The following INA variants were observed in gnomAD, a reference collection of about 807,000 sequenced individuals.
The protein encoded by INA is internexin neuronal intermediate filament protein alpha.
INA carries 35 observed loss-of-function variants against 40.1 expected under a neutral mutation model. The ratio of observed to expected loss-of-function variants is 0.87; its 90% confidence interval spans 0.67 to 1.16. The LOEUF (loss-of-function observed/expected upper bound fraction) is 1.16. INA is among the 50% of genes most tolerant of loss of function. INA has a pLI of 0.00. For synonymous variants in INA, 290 were observed against 316.9 expected (o/e 0.92, Z 0.90); for missense variants, 594 against 686.7 (o/e 0.87, Z 1.51).
intron 1 of INA, among the ~76,000 whole-genome samples, chr10:103,283,099 GTAGAAGAT>G (rs755311822): frequency 3.7e-4 from 56 of 152,188 alleles, no homozygotes; most frequent in Non-Finnish European, 7.3e-4. Context: ...GTATGCAGAA[GTAGAAGAT>G]TGGAAGGAAC....
chr10:103,290,131 G>A lies in INA; in HGVS notation c.*1462G>A, dbSNP rs1189028669. The A allele has an allele frequency of 6.5e-6, 1 of 152,698 alleles. No individual in the cohort carries two copies. The highest frequency in any genetic ancestry group is 1.5e-5 in the Non-Finnish European group (1 of 68,080). The allele number at this position is 152,698 out of a possible 1,614,324, so 9.5% of individuals were successfully genotyped here. ...AGCAGTCACTTCGGCCAGAGCTGAA[G>A]AGTTGCCCCGTCTCTGTTCCATGTC... On this transcript the variant is annotated 3_prime_UTR_variant, in exon 3 of 3. Coordinates refer to ENST00000369849, the MANE Select transcript of INA (RefSeq NM_032727.4).
At position 103,282,589 on chromosome 10, in the gene INA, T is replaced by A. The variant is rs372838521; in HGVS notation, c.1065+4313T>A. 8.5e-5 allele frequency among the ~76,000 whole-genome samples: 13 copies of A among 152,316 alleles called. No individual in the cohort carries two copies. In the East Asian group the frequency reaches 2.1e-3, roughly 25 times the overall value. ...TAGGGTAGAATTAAACAGCCTGATA[T>A]ACCTCGAATGACCTAAAAGATGTCA... On this transcript the variant is annotated intron_variant, in intron 1 of 2. Transcript: ENST00000369849.
At chr10:103,280,544 GT>G in intron 1 of INA, 1 of 985,444 alleles carries the variant, frequency 1.0e-6, no homozygotes, top group Non-Finnish European at 1.2e-6. Context: ...GAGATTAGTG[GT>G]AGGGCCATTT....
rs1021242149 is a variant in INA, at chr10:103,280,073, T to G, written c.1065+1797T>G. ...TTCTCTGCTTGTTATAGCCCATACA[T>G]TCTAAGAAGTAGTGACAGTTTTGCC... On this transcript the variant is annotated intron_variant, in intron 1 of 2. Transcript: ENST00000369849. The G allele has an allele frequency of 3.0e-5, 37 of 1,235,118 alleles. No individual in the cohort carries two copies. In the African/African-American group the frequency reaches 5.5e-4, roughly 18 times the overall value. The allele number at this position is 1,235,118 out of a possible 1,614,324, so 76.5% of individuals were successfully genotyped here. A position where few individuals can be genotyped will look rare whatever the true frequency, so the allele number is the denominator to read the frequency against.
At chr10:103,283,153 T>C (rs1299543270) in intron 1 of INA, among the ~76,000 whole-genome samples, 1 of 152,194 alleles carries the variant, frequency 6.6e-6, no homozygotes, top group East Asian at 1.9e-4. Context: ...CCAATGGATG[T>C]TAGTGGCAGA....
At position 103,287,077 on chromosome 10, in the gene INA, A is replaced by G; in HGVS notation, c.1108A>G (p.Ser370Gly). ...GGAGAATGATCTGAGGAACACCAAG[A>G]GTGAGATGGCACGCCACCTTCGGGA... ...QLENDLRNTKSEMARHLREYQ... is the reference protein window; with the variant it reads ...QLENDLRNTKGEMARHLREYQ... Residue 370 changes from serine (S) to glycine (G), a missense_variant, in exon 2 of 3, where the codon AGT (serine) becomes GGT (glycine). Ser to Gly is a moderately conservative substitution (Grantham distance 56). This residue lies in a region of INA where 379 missense variants were observed against 496.1 expected (regional missense o/e 0.76). Coordinates refer to ENST00000369849, the MANE Select transcript of INA (RefSeq NM_032727.4). The G allele has an allele frequency of 2.5e-6, 4 of 1,614,024 alleles. No homozygotes were observed. The highest frequency in any genetic ancestry group is 2.5e-6 in the Non-Finnish European group (3 of 1,179,942).
At chr10:103,280,802 T>G (rs2093070989) in intron 1 of INA, 1 of 985,450 alleles carries the variant, frequency 1.0e-6, no homozygotes, top group Admixed American at 6.1e-5. Context: ...AACTCCCCTC[T>G]GCATAAAAAG....
Position 103,287,170 on chromosome 10 carries a change from G to A in INA, c.1190+11G>A, listed in dbSNP as rs1168578049. ...GATAGCAGCTTACAGGTACTGCAAA[G>A]GACCTGCTTACCCGAGTAAATCCAG... is the stretch of plus-strand genomic sequence containing the variant. On this transcript the variant is annotated intron_variant, in intron 2 of 2. Coordinates refer to ENST00000369849, the MANE Select transcript of INA (RefSeq NM_032727.4). 1.9e-6 allele frequency: 3 copies of A among 1,611,408 alleles called. No individual in the cohort carries two copies. Among genetic ancestry groups the A allele is most frequent in the Non-Finnish European group, 2.5e-6 (3 of 1,178,938 alleles).
Position 103,288,750 on chromosome 10 carries a change from A to G in INA, c.*81A>G. The G allele has an allele frequency of 8.5e-6, 7 of 825,116 alleles. No homozygotes were observed. In the South Asian group the frequency reaches 1.3e-4, roughly 15 times the overall value. The allele number at this position is 825,116 out of a possible 1,614,324, so 51.1% of individuals were successfully genotyped here. On this transcript the variant is annotated 3_prime_UTR_variant, in exon 3 of 3. Transcript: ENST00000369849. ...TTAAACAGCCTATTCCTGAACTATA[A>G]CACCTGCCACCACTATAAAATGTCT...
intron 2 of INA, among the ~76,000 whole-genome samples, chr10:103,287,447 G>T (rs953587017): frequency 1.3e-5 from 2 of 152,158 alleles, no homozygotes; most frequent in South Asian, 4.1e-4. Flanking sequence ...TAAAAATAGG[G>T]TTTGGGGCCA....
In INA at chr10:103,277,465, A is replaced by G. The variant is rs529183084; in HGVS notation, c.254A>G (p.Asn85Ser). 4.4e-6 allele frequency: 7 copies of G among 1,579,056 alleles called. No individual in the cohort carries two copies. In the East Asian group the frequency reaches 7.3e-5, roughly 16 times the overall value. Residue 85 changes from asparagine (N) to serine (S), a missense_variant, in exon 1 of 3, where the codon AAC becomes AGC. Physicochemically the swap from Asn to Ser is conservative, Grantham distance 46. Transcript: ENST00000369849. The surrounding 1 kb of genome is among the most constrained non-coding windows in gnomAD (Gnocchi z 5.6). The stretch of plus-strand genomic sequence containing the variant: ...CTGAGCCAGGCGGCGGCGCGCACCA[A>G]CGAGTACAAGATCATCCGCACCAAC... ...LDLSQAAART[N>S]EYKIIRTNEK...
rs1328764247 is a variant in INA at position 103,277,391 on chromosome 10, C to G, written c.180C>G (p.Leu60=). Reference sequence around the variant, plus strand: ...CCGCCTGCTCCTCGGCCTCGTCGCTCGGCCTCGGCCTGGCCTATCGCCGGC... The same window carrying G: ...CCGCCTGCTCCTCGGCCTCGTCGCTGGGCCTCGGCCTGGCCTATCGCCGGC... The part of the protein sequence containing the change: ...SSAACSSASS[L]GLGLAYRRPP... The change falls in exon 1 of 3, where the codon CTC becomes CTG. Residue 60 remains leucine (L), a synonymous_variant. Transcript: ENST00000369849. This position sits in a 1 kb window ranked among gnomAD's most constrained non-coding sequence, Gnocchi z 5.6. The G allele has an allele frequency of 2.6e-6, 4 of 1,553,262 alleles. No homozygotes were observed. The African/African-American group carries it at 4.3e-5, about 17-fold the overall frequency.
At position 103,288,414 on chromosome 10, in the gene INA, G is replaced by A. The variant is rs377018920; in HGVS notation, c.1245G>A (p.Ser415=). ...TRFSTSGLSI[S]GLNPLPNPSY... is the part of the protein sequence containing the mutation. ...TTAGCACCAGTGGGTTAAGCATTTC[G>A]GGGCTGAATCCACTTCCCAATCCAA... The change falls in exon 3 of 3, where the codon TCG becomes TCA. Residue 415 remains serine, a synonymous_variant. Transcript: ENST00000369849. 2.6e-5 allele frequency: 42 copies of A among 1,612,782 alleles called. No homozygotes were observed. The East Asian group carries it at 4.7e-4, about 18-fold the overall frequency.
intron 2 of INA, among the ~76,000 whole-genome samples, chr10:103,288,097 G>A (rs533654303): frequency 1.2e-4 from 18 of 152,202 alleles, no homozygotes; most frequent in African/African-American, 3.1e-4. Flanking sequence ...TTTTCCTCCT[G>A]GAATATATTT....
rs1444139612 is a variant in INA, at chr10:103,277,419, C to T, written c.208C>T (p.Pro70Ser). The T allele has an allele frequency of 6.4e-7, 1 of 1,561,294 alleles. No homozygotes were observed. ...CCTCGGCCTGGCCTATCGCCGGCCG[C>T]CGGCGTCCGACGGGCTGGACCTGAG... ...LGLGLAYRRP[P>S]ASDGLDLSQA... The change falls in exon 1 of 3, where the codon CCG becomes TCG. Residue 70 changes from proline to serine, a missense_variant. Transcript: ENST00000369849. The surrounding 1 kb of genome is among the most constrained non-coding windows in gnomAD (Gnocchi z 5.6).
At chr10:103,280,789 T>C (rs1385117058) in intron 1 of INA, 3 of 985,352 alleles carry the variant, frequency 3.0e-6, no homozygotes, top group Non-Finnish European at 2.4e-6. Context: ...AAAAGCCAAA[T>C]GCAACTCCCC....
At chr10:103,286,876 AATCTGG>A in intron 1 of INA, among the ~76,000 whole-genome samples, 153 bp from the exon 2 acceptor site, 1 of 152,266 alleles carries the variant, frequency 6.6e-6, no homozygotes, top group Middle Eastern at 3.4e-3. Flanking sequence ...AGAACCAGTG[AATCTGG>A]ATCTGGACTC....
chr10:103,277,178 T>C lies in INA; in HGVS notation c.-34T>C, dbSNP rs980512655. The C allele has an allele frequency of 9.7e-6, 15 of 1,543,878 alleles. No homozygotes were observed. Among genetic ancestry groups the C allele is most frequent in the Admixed American group, 4.0e-5 (2 of 49,758 alleles). On this transcript the variant is annotated 5_prime_UTR_variant, in exon 1 of 3. Coordinates refer to ENST00000369849, the MANE Select transcript of INA (RefSeq NM_032727.4). This position sits in a 1 kb window ranked among gnomAD's most constrained non-coding sequence, Gnocchi z 5.6. The stretch of plus-strand genomic sequence containing the variant: ...CCTCTCCTTTCTTCTGTAGCTCGCG[T>C]TGAAGCCGCACGTCCGGCCCCGATC...
chr10:103,281,923 C>A (rs916457688), intron 1 of INA, among the ~76,000 whole-genome samples: 2 of 152,216 alleles, frequency 1.3e-5, no homozygotes, highest in African/African-American at 2.4e-5. Flanking sequence ...TGCCGCTCTC[C>A]GGTTCCCTCA....
Sources: gnomAD v4.1 joint callset for allele counts (sites outside exome capture counted in the v4.1 genomes callset) on GRCh38, gnomAD v4.1.1 for gene constraint, gnomAD v4.1.1 regional missense constraint, Gnocchi (gnomAD v3.1) non-coding constraint, MANE v1.5 for transcripts, NCBI Gene and HGNC (gene_info 2026-07-23, HGNC 2026-07-21) for gene names.